ANK1: variants seen among roughly 807,000 people sequenced by gnomAD.
ANK1 encodes ankyrin-1.
Under a neutral mutation model 210.4 loss-of-function variants are expected in ANK1, and 51 were observed. That is an observed-to-expected ratio of 0.24 (90% CI 0.19 to 0.31). The LOEUF is 0.31. Among genes scored for constraint, ANK1 ranks in the 10% least tolerant of loss-of-function variants. The pLI, the probability that ANK1 is intolerant of heterozygous loss-of-function variation, is 1.00. For synonymous variants in ANK1, 967 were observed against 1,025.9 expected (o/e 0.94, Z 1.10); for missense variants, 2,051 against 2,504.4 (o/e 0.82, Z 3.86).
intron 11 of ANK1, 107 bp downstream of exon 11, chr8:41,717,999 C>T (rs1250478744): frequency 3.7e-6 from 4 of 1,077,918 alleles, no homozygotes; most frequent in Non-Finnish European, 2.8e-6. Flanking sequence ...GACTTGCAGA[C>T]ACACACACCC....
intron 37 of ANK1, among the ~76,000 whole-genome samples, chr8:41,680,698 C>T (rs552345853): frequency 6.6e-6 from 1 of 152,352 alleles, no homozygotes; most frequent in African/African-American, 2.4e-5. Flanking sequence ...TGCTCCCTCT[C>T]CCAGCCATGC....
At chr8:41,662,586 A>G (rs1203075387) in intron 40 of ANK1, among the ~76,000 whole-genome samples, 1 of 152,192 alleles carries the variant, frequency 6.6e-6, no homozygotes, top group African/African-American at 2.4e-5. Context: ...GGCAGAGGGC[A>G]TCTCTTTTTC....
At chr8:41,750,088 C>G (rs920452265) in intron 2 of ANK1, among the ~76,000 whole-genome samples, 6 of 152,236 alleles carry the variant, frequency 3.9e-5, no homozygotes, top group Non-Finnish European at 4.4e-5. Context: ...ATCACCATCA[C>G]CAGAGCACAA....
Position 41,653,921 on chromosome 8 carries a change from G to T in ANK1, c.*1869C>A, listed in dbSNP as rs1804864465. 2 of 152,164 alleles carry T rather than the reference G, an allele frequency of 1.3e-5. No homozygotes were observed. 9.4% of individuals were successfully genotyped at this position (152,164 alleles called of 1,614,324 possible). A position where few individuals can be genotyped will look rare whatever the true frequency, so the allele number is the denominator to read the frequency against. ...CCCCGGCCGACAAGGCGCCTAGGCCGCCCCGGGGCCTGCCTGGCCGGGGGT... is the reference window on the plus strand; with the variant it reads ...CCCCGGCCGACAAGGCGCCTAGGCCTCCCCGGGGCCTGCCTGGCCGGGGGT... On this transcript the variant is annotated 3_prime_UTR_variant, in exon 43 of 43. Coordinates refer to ENST00000289734, the MANE Select transcript of ANK1 (RefSeq NM_000037.4).
intron 42 of ANK1, among the ~76,000 whole-genome samples, chr8:41,659,510 G>A (rs1807079580): frequency 6.6e-6 from 1 of 152,210 alleles, no homozygotes; most frequent in Non-Finnish European, 1.5e-5. Flanking sequence ...CGTGAATGAT[G>A]AGGATCGACT....
chr8:41,744,536 C>CTTTT (rs3063769), intron 2 of ANK1, among the ~76,000 whole-genome samples: 1 of 125,484 alleles, frequency 8.0e-6, no homozygotes, highest in South Asian at 2.6e-4. Flanking sequence ...GATTTCTTTT[C>CTTTT]TTTTTTTTTT....
In ANK1 at chr8:41,668,568, G is replaced by A; in HGVS notation, c.5097-4C>T. 1.9e-6 allele frequency: 3 copies of A among 1,609,252 alleles called. No homozygotes were observed. Among genetic ancestry groups the A allele is most frequent in the East Asian group, 4.5e-5 (2 of 44,756 alleles). On this transcript the variant is annotated splice_region_variant and splice_polypyrimidine_tract_variant and intron_variant, in intron 38 of 42. Coordinates refer to ENST00000289734, the MANE Select transcript of ANK1 (RefSeq NM_000037.4). The stretch of plus-strand genomic sequence containing the variant: ...GTCTGCATCCCAGTCCTGCAGTCTG[G>A]GGTCCAGAAGAAGCAGCAGATGGCC...
intron 42 of ANK1, chr8:41,660,895 C>T: frequency 3.6e-6 from 1 of 280,964 alleles, no homozygotes; most frequent in South Asian, 3.2e-5. Flanking sequence ...TATGTTGAAG[C>T]ATCACAGCCC....
intron 1 of ANK1, among the ~76,000 whole-genome samples, chr8:41,762,723 T>C: frequency 6.6e-6 from 1 of 152,228 alleles, no homozygotes; most frequent in East Asian, 1.9e-4. Context: ...TCTGTCTAGA[T>C]TCAGTTATTA....
In ANK1 at chr8:41,743,809, C is replaced by CAT. The variant is rs72065624; in HGVS notation, c.130-9742_130-9741dup. 3.4e-3 allele frequency among the ~76,000 whole-genome samples: 510 copies of CAT among 151,180 alleles called. 4 individuals are homozygous for CAT. Among genetic ancestry groups the CAT allele is most frequent in the East Asian group, 0.01 (52 of 5,156 alleles). On this transcript the variant is annotated intron_variant, in intron 2 of 42. Transcript: ENST00000289734. ...TATTGGTGTGATCTCATTGATTCTT[C>CAT]ATATATATATATATACATAGACAGC...
chr8:41,690,696 T>C (rs763774918), intron 31 of ANK1, 97 bp from the exon 32 acceptor site: 2 of 1,527,280 alleles, frequency 1.3e-6, no homozygotes, highest in Non-Finnish European at 1.8e-6. Flanking sequence ...AGACACACCC[T>C]GCCTCAGCAA....
chr8:41,661,509 GCCCCCTTCCTGC>G lies in ANK1; in HGVS notation c.5588_5599del (p.Gly1863_Gly1866del). ...CAGGCTGGCCCGCTTCACTATCTGCGCCCCCTTCCTGCCCTCTATCAGGTCCGGCTGTAGGCC... is the reference window on the plus strand; with the variant it reads ...CAGGCTGGCCCGCTTCACTATCTGCGCCTCTATCAGGTCCGGCTGTAGGCC... On this transcript the variant is annotated inframe_deletion, in exon 42 of 43. Coordinates refer to ENST00000289734, the MANE Select transcript of ANK1 (RefSeq NM_000037.4). The G allele has an allele frequency of 6.2e-7, 1 of 1,613,964 alleles. No homozygotes were observed. Among genetic ancestry groups the G allele is most frequent in the Non-Finnish European group, 8.5e-7 (1 of 1,180,014 alleles).
At chr8:41,710,273 T>C (rs926628370) in intron 16 of ANK1, among the ~76,000 whole-genome samples, 1 of 152,160 alleles carries the variant, frequency 6.6e-6, no homozygotes, top group African/African-American at 2.4e-5. Context: ...ATAAGGTCAC[T>C]AGGGCAGGCA....
chr8:41,743,508 C>T (rs565732677), intron 2 of ANK1, among the ~76,000 whole-genome samples: 17 of 152,316 alleles, frequency 1.1e-4, no homozygotes, highest in African/African-American at 4.1e-4. Flanking sequence ...CATCCTTCTC[C>T]TTCCCTCCCC....
At chr8:41,798,116 G>A (rs2150772598), upstream of ANK1, among the ~76,000 whole-genome samples, 1 of 152,174 alleles carries the variant, frequency 6.6e-6, no homozygotes, top group Non-Finnish European at 1.5e-5. Context: ...CCTGGGTTGG[G>A]AGCAGTCGGG....
At chr8:41,781,856 G>T (rs749784179) in intron 1 of ANK1, among the ~76,000 whole-genome samples, 8 of 152,084 alleles carry the variant, frequency 5.3e-5, no homozygotes, top group Non-Finnish European at 1.2e-4. Context: ...CCATCCCAGG[G>T]GCTGGTACTA....
chr8:41,755,699 C>A (rs1328510451), intron 2 of ANK1, among the ~76,000 whole-genome samples: 1 of 152,232 alleles, frequency 6.6e-6, no homozygotes, highest in Non-Finnish European at 1.5e-5. Flanking sequence ...ACAACTCTCA[C>A]ACCAAGACTC....
intron 1 of ANK1, among the ~76,000 whole-genome samples, chr8:41,874,428 A>C (rs1426060371): frequency 1.3e-5 from 2 of 152,040 alleles, no homozygotes; most frequent in Non-Finnish European, 1.5e-5. Context: ...TTAGCAAAGC[A>C]CTCTTTTCTT....
intron 21 of ANK1, 84 bp from the exon 22 acceptor site, chr8:41,701,706 T>G (rs1481910342): frequency 5.1e-6 from 7 of 1,377,076 alleles, no homozygotes; most frequent in Non-Finnish European, 7.2e-6. Context: ...TGGTCATGCC[T>G]GTGGGGTTTC....
Sources: gnomAD v4.1 joint callset for allele counts (sites outside exome capture counted in the v4.1 genomes callset) on GRCh38, gnomAD v4.1.1 for gene constraint, MANE v1.5 for transcripts, NCBI Gene and HGNC (gene_info 2026-07-23, HGNC 2026-07-21) for gene names.